The following TRAFD1 variants were observed in gnomAD, a reference collection of about 807,000 sequenced individuals.
The protein encoded by TRAFD1 is TRAF-type zinc finger domain containing 1.
A neutral mutation model predicts 65.3 loss-of-function variants in TRAFD1; 38 were observed. The ratio of observed to expected loss-of-function variants is 0.58; its 90% confidence interval spans 0.45 to 0.76. TRAFD1 has a LOEUF of 0.76. Among genes scored for constraint, TRAFD1 ranks in the 30% least tolerant of loss-of-function variants. TRAFD1 has a pLI of 0.00. For missense variants in TRAFD1, 631 were observed against 712.6 expected, an observed-to-expected ratio of 0.89 and a Z score of 1.30; for synonymous variants, 223 against 257.2, an observed-to-expected ratio of 0.87 and a Z score of 1.27.
chr12:112,138,241 AAAAAAT>A (rs1250972437), intron 4 of TRAFD1, among the ~76,000 whole-genome samples: 4 of 151,996 alleles, frequency 2.6e-5, no homozygotes, highest in Admixed American at 1.3e-4. Flanking sequence ...CCCTGTTTCA[AAAAAAT>A]AAAAATAAAA....
At chr12:112,145,308 T>A (rs2030208204) in intron 6 of TRAFD1, among the ~76,000 whole-genome samples, 1 of 152,204 alleles carries the variant, frequency 6.6e-6, no homozygotes, top group Non-Finnish European at 1.5e-5. Flanking sequence ...CACATTTAAA[T>A]CGCTTCCTTA....
At chr12:112,149,479 G>T in intron 8 of TRAFD1, 1 of 299,920 alleles carries the variant, frequency 3.3e-6, no homozygotes, top group African/African-American at 2.2e-5. Context: ...TTAAAAAACA[G>T]AAAAAAAAAA....
At chr12:112,136,280 GTTT>G (rs751115049) in intron 4 of TRAFD1, among the ~76,000 whole-genome samples, 1 of 138,348 alleles carries the variant, frequency 7.2e-6, no homozygotes, top group Non-Finnish European at 1.6e-5. Flanking sequence ...TCAGCCCAAA[GTTT>G]TTTTTTTTTT....
chr12:112,146,650 C>A lies in TRAFD1; in HGVS notation c.927+988C>A, dbSNP rs540527690. The stretch of plus-strand genomic sequence containing the variant: ...CACATCCAACAACACAGACCCCTTA[C>A]TTGTAGAGTTGGTTCAGATGTGACT... On this transcript the variant is annotated intron_variant, in intron 7 of 11. Transcript: ENST00000412615. 1.3e-5 allele frequency among the ~76,000 whole-genome samples: 2 copies of A among 152,364 alleles called. 1 individual carries two copies. The highest frequency in any genetic ancestry group is 4.1e-4 in the South Asian group (2 of 4,828).
intron 2 of TRAFD1, among the ~76,000 whole-genome samples, chr12:112,131,432 C>G (rs2079565768): frequency 6.6e-6 from 1 of 152,048 alleles, no homozygotes; most frequent in South Asian, 2.1e-4. Context: ...TAATGGAAAG[C>G]TAGTGAAAAA....
At chr12:112,148,962 G>C (rs1593872979) in intron 8 of TRAFD1, among the ~76,000 whole-genome samples, 1 of 152,044 alleles carries the variant, frequency 6.6e-6, no homozygotes, top group East Asian at 1.9e-4. Flanking sequence ...TTATGCCTGT[G>C]ATCCCAGCAC....
chr12:112,149,794 C>G lies in TRAFD1; in HGVS notation c.1202C>G (p.Thr401Arg). 1 of 1,614,218 alleles carries G rather than the reference C, an allele frequency of 6.2e-7. No individual in the cohort carries two copies. The highest frequency in any genetic ancestry group is 8.5e-7 in the Non-Finnish European group (1 of 1,180,024). ...CCAGCCACTGCAACCAACCATGTGA[C>G]AGAGGGGATTCCTAGACTGGATTCC... ...QRPATATNHV[T>R]EGIPRLDSQP... is the part of the protein sequence containing the mutation. Residue 401 changes from threonine to arginine, a missense_variant, in exon 9 of 12, where the codon ACA becomes AGA. Physicochemically the swap from Thr to Arg is moderately conservative, Grantham distance 71. Coordinates refer to ENST00000412615, the MANE Select transcript of TRAFD1 (RefSeq NM_006700.3).
At chr12:112,149,269 C>CA (rs2030337299) in intron 8 of TRAFD1, 3 of 152,140 alleles carry the variant, frequency 2.0e-5, no homozygotes, top group Non-Finnish European at 4.4e-5. Context: ...TGGGATCAAA[C>CA]AGTAGATAAG....
Position 112,141,014 on chromosome 12 carries a change from G to A in TRAFD1, c.433G>A (p.Glu145Lys), listed in dbSNP as rs1296692082. The A allele has an allele frequency of 1.9e-6, 3 of 1,614,064 alleles. No individual in the cohort carries two copies. The highest frequency in any genetic ancestry group is 1.6e-4 in the Middle Eastern group (1 of 6,084). ...CGREGEEKRN[E>K]VAIPPNAYDE... ...GAGAGAGGGGGAGGAAAAGAGAAAT[G>A]AGGTTGCCATACCTCCTAATGCATA... Residue 145 changes from glutamate to lysine, a missense_variant, in exon 5 of 12, where the codon GAG (glutamate) becomes AAG (lysine). By Grantham distance (56) the Glu-to-Lys change is moderately conservative. Transcript: ENST00000412615.
In TRAFD1 at chr12:112,140,962, T is replaced by A. The variant is rs1220287266; in HGVS notation, c.381T>A (p.Asp127Glu). The A allele has an allele frequency of 6.2e-7, 1 of 1,613,972 alleles. No individual in the cohort carries two copies. The highest frequency in any genetic ancestry group is 2.2e-5 in the East Asian group (1 of 44,900). ...GNCGRNVLVK[D>E]LKTHPEVCGR... ...GTGGTCGCAATGTCCTTGTGAAAGA[T>A]CTGAAGACTCACCCTGAAGTTTGTG... The change falls in exon 5 of 12, where the codon GAT (aspartate) becomes GAA (glutamate). Residue 127 changes from aspartate to glutamate, a missense_variant. Asp to Glu is a conservative substitution (Grantham distance 45). Transcript: ENST00000412615.
At chr12:112,134,001 ATTTT>A (rs545753010) in intron 2 of TRAFD1, among the ~76,000 whole-genome samples, 2 of 95,152 alleles carry the variant, frequency 2.1e-5, no homozygotes, top group South Asian at 4.0e-4. Flanking sequence ...AAAGGATTTA[ATTTT>A]TTTTTTTTTT....
intron 4 of TRAFD1, among the ~76,000 whole-genome samples, chr12:112,140,358 C>T (rs529293178): frequency 2.0e-5 from 3 of 147,592 alleles, no homozygotes; most frequent in Non-Finnish European, 3.0e-5. Context: ...AGGCAGAGGT[C>T]GCAATGAGCC....
At chr12:112,149,229 A>G (rs1023570735) in intron 8 of TRAFD1, 1 of 152,298 alleles carries the variant, frequency 6.6e-6, no homozygotes, top group Non-Finnish European at 1.5e-5. Flanking sequence ...AAAAAAAAAG[A>G]GAAAGAAAGA....
rs572979062 is a variant in TRAFD1, at chr12:112,148,758, C to T, written c.1158+454C>T. Among the ~76,000 whole-genome samples, 12 of 152,310 alleles carry T rather than the reference C, an allele frequency of 7.9e-5. 1 individual carries two copies. In the South Asian group the frequency reaches 2.3e-3, roughly 29 times the overall value. ...GACTAGACAATATGAAGTCATTTTT[C>T]AGCATTTACAGTATAGGATTCCAAT... On this transcript the variant is annotated intron_variant, in intron 8 of 11. Coordinates refer to ENST00000412615, the MANE Select transcript of TRAFD1 (RefSeq NM_006700.3).
chr12:112,149,786 C>A lies in TRAFD1; in HGVS notation c.1194C>A (p.Asn398Lys). ...ACCAACGCCCAGCCACTGCAACCAA[C>A]CATGTGACAGAGGGGATTCCTAGAC... ...QCDQRPATATNHVTEGIPRLD... is the reference protein window; with the variant it reads ...QCDQRPATATKHVTEGIPRLD... The change falls in exon 9 of 12, where the codon AAC (asparagine) becomes AAA (lysine). Residue 398 changes from asparagine (N) to lysine (K), a missense_variant. By Grantham distance (94) the Asn-to-Lys change is moderately conservative. Coordinates refer to ENST00000412615, the MANE Select transcript of TRAFD1 (RefSeq NM_006700.3). 2.5e-6 allele frequency: 4 copies of A among 1,614,208 alleles called. No individual in the cohort carries two copies. The highest frequency in any genetic ancestry group is 3.4e-6 in the Non-Finnish European group (4 of 1,180,004).
chr12:112,136,861 G>A (rs1056521905), intron 4 of TRAFD1, among the ~76,000 whole-genome samples: 2 of 152,120 alleles, frequency 1.3e-5, no homozygotes, highest in African/African-American at 2.4e-5. Flanking sequence ...CCCAAATGTC[G>A]AGATTACAGG....
At position 112,148,274 on chromosome 12, in the gene TRAFD1, G is replaced by A; in HGVS notation, c.1128G>A (p.Gln376=). The change falls in exon 8 of 12, where the codon CAG becomes CAA. Residue 376 remains glutamine (Q), a synonymous_variant. Coordinates refer to ENST00000412615, the MANE Select transcript of TRAFD1 (RefSeq NM_006700.3). ...TCCCATGTGAATTCTGTGGGGTACA[G>A]CTGGAAGAGGAGGTGCTGTTCCATC... The part of the protein sequence containing the change: ...IIIPCEFCGV[Q]LEEEVLFHHQ... 6.2e-7 allele frequency: 1 copy of A among 1,614,182 alleles called. No individual in the cohort carries two copies.
rs775005660 is a variant in TRAFD1 at position 112,140,988 on chromosome 12, GGA to G, written c.413_414del (p.Glu138GlyfsTer7). 1 of 1,614,158 alleles carries G rather than the reference GGA, an allele frequency of 6.2e-7. No homozygotes were observed. The highest frequency in any genetic ancestry group is 8.5e-7 in the Non-Finnish European group (1 of 1,180,012). On this transcript the variant is annotated frameshift_variant, in exon 5 of 12. Transcript: ENST00000412615. LOFTEE classifies it high-confidence loss of function. Reference sequence around the variant, plus strand: ...CTGAAGACTCACCCTGAAGTTTGTGGGAGAGAGGGGGAGGAAAAGAGAAATGA... The same window carrying G: ...CTGAAGACTCACCCTGAAGTTTGTGGGAGAGGGGGAGGAAAAGAGAAATGA...
In TRAFD1 at chr12:112,148,119, A is replaced by C; in HGVS notation, c.973A>C (p.Ser325Arg). 6.2e-7 allele frequency: 1 copy of C among 1,614,180 alleles called. No individual in the cohort carries two copies. The highest frequency in any genetic ancestry group is 8.5e-7 in the Non-Finnish European group (1 of 1,180,002). The change falls in exon 8 of 12, where the codon AGC becomes CGC. Residue 325 changes from serine (S) to arginine (R), a missense_variant. Ser to Arg is a moderately radical substitution (Grantham distance 110, BLOSUM62 -1). Coordinates refer to ENST00000412615, the MANE Select transcript of TRAFD1 (RefSeq NM_006700.3). ...SRALPSLNTG[S>R]SSPRGVEEPD... The stretch of plus-strand genomic sequence containing the variant: ...TGCCTTACCTTCACTCAATACTGGC[A>C]GCTCTTCCCCCAGAGGGGTGGAGGA...
Sources: allele counts gnomAD v4.1 joint callset (sites outside exome capture counted in the v4.1 genomes callset), GRCh38; gene constraint gnomAD v4.1.1; transcripts MANE v1.5; gene names NCBI Gene and HGNC (gene_info 2026-07-23, HGNC 2026-07-21).